FGF20: variants seen among roughly 807,000 people sequenced by gnomAD.
FGF20 encodes fibroblast growth factor 20.
A neutral mutation model predicts 16.7 loss-of-function variants in FGF20; 8 were observed. The observed-to-expected ratio is 0.48, with a 90% CI of 0.28 to 0.87. The LOEUF (loss-of-function observed/expected upper bound fraction) is 0.87, where lower values mean the gene tolerates loss of function less well. Among genes scored for constraint, FGF20 ranks in the 40% least tolerant of loss-of-function variants. The pLI, the probability that FGF20 is intolerant of heterozygous loss-of-function variation, is 0.10. For synonymous variants in FGF20, 161 were observed against 118.6 expected (o/e 1.36, Z -2.32); for missense variants, 397 against 281.4 (o/e 1.41, Z -2.94).
chr8:16,998,886 C>CA (rs34706124), intron 1 of FGF20, among the ~76,000 whole-genome samples: 2,499 of 142,094 alleles, frequency 0.018, 55 homozygotes, highest in African/African-American at 0.061. Context: ...ATAAAACTGG[C>CA]AAAAAAAAAA....
At chr8:17,001,713 C>T in intron 1 of FGF20, 34 bp downstream of exon 1, 1 of 1,545,812 alleles carries the variant, frequency 6.5e-7, no homozygotes. Flanking sequence ...AGCTGGGGCG[C>T]AGATGGGGGT....
rs17515317 is a variant in FGF20, at chr8:16,993,428, G to T, written c.391-111C>A. 82,986 of 1,124,344 alleles carry T rather than the reference G, an allele frequency of 0.074. 3,767 individuals carry two copies. The highest frequency in any genetic ancestry group is 0.082 in the Non-Finnish European group (65,475 of 800,440). The allele number at this position is 1,124,344 out of a possible 1,614,324, so 69.6% of individuals were successfully genotyped here. On this transcript the variant is annotated intron_variant, in intron 2 of 2. Coordinates refer to ENST00000180166, the MANE Select transcript of FGF20 (RefSeq NM_019851.3). The stretch of plus-strand genomic sequence containing the variant: ...CTTTGCCTTGTCAAAGAAAGAAAAA[G>T]GTTAAATTGGTTTTGCTTTATTTTG...
chr8:17,000,580 A>T (rs1585103981), intron 1 of FGF20, among the ~76,000 whole-genome samples: 3 of 152,288 alleles, frequency 2.0e-5, no homozygotes, highest in East Asian at 3.9e-4. Context: ...GAATTTTTCC[A>T]ATGATGTCAA....
At chr8:16,997,079 C>G (rs17515083) in intron 1 of FGF20, among the ~76,000 whole-genome samples, 2,336 of 152,294 alleles carry the variant, frequency 0.015, 50 homozygotes, top group African/African-American at 0.053. Flanking sequence ...CTATCAATAA[C>G]TTTCTAGAAT....
chr8:16,996,206 C>G (rs148986636), intron 1 of FGF20, among the ~76,000 whole-genome samples: 1 of 152,114 alleles, frequency 6.6e-6, no homozygotes, highest in Non-Finnish European at 1.5e-5. Context: ...CCAATAAATT[C>G]CATTTTTCTC....
At chr8:16,996,674 T>C (rs1323153205) in intron 1 of FGF20, among the ~76,000 whole-genome samples, 1 of 152,200 alleles carries the variant, frequency 6.6e-6, no homozygotes, top group East Asian at 1.9e-4. Flanking sequence ...AACAGTGTTT[T>C]ATAGTCAATA....
intron 2 of FGF20, among the ~76,000 whole-genome samples, chr8:16,993,954 C>T (rs1460752330): frequency 2.0e-5 from 3 of 152,116 alleles, no homozygotes; most frequent in Admixed American, 6.6e-5. Context: ...GATGAAGTTT[C>T]GCTCACTTGC....
intron 1 of FGF20, among the ~76,000 whole-genome samples, chr8:16,999,109 T>C (rs549805247): frequency 6.6e-6 from 1 of 152,310 alleles, no homozygotes; most frequent in Non-Finnish European, 1.5e-5. Context: ...AGTTATGATG[T>C]CTATGATATT....
intron 1 of FGF20, among the ~76,000 whole-genome samples, chr8:17,001,203 T>C (rs17549976): frequency 0.022 from 3,296 of 152,224 alleles, 113 homozygotes; most frequent in African/African-American, 0.075. Context: ...GACACGTAAA[T>C]GCTCGCAATC....
Position 16,993,331 on chromosome 8 carries a change from G to C in FGF20, c.391-14C>G, listed in dbSNP as rs1322251653. The C allele has an allele frequency of 3.8e-6, 6 of 1,580,376 alleles. No homozygotes were observed. The African/African-American group carries it at 5.5e-5, about 14-fold the overall frequency. On this transcript the variant is annotated splice_polypyrimidine_tract_variant and intron_variant, in intron 2 of 2. Coordinates refer to ENST00000180166, the MANE Select transcript of FGF20 (RefSeq NM_019851.3). ...AGTAAGTTTCTCCTGAAAGAGAGAA[G>C]ATAACTATTATTTTTTAAAAAAATA...
At chr8:16,996,569 T>G (rs1016701623) in intron 1 of FGF20, among the ~76,000 whole-genome samples, 2 of 152,202 alleles carry the variant, frequency 1.3e-5, no homozygotes, top group African/African-American at 4.8e-5. Flanking sequence ...ATCTCATCAG[T>G]TAATTATAAC....
chr8:17,000,981 A>C (rs1287419395), intron 1 of FGF20, among the ~76,000 whole-genome samples: 1 of 152,146 alleles, frequency 6.6e-6, no homozygotes, highest in Admixed American at 6.5e-5. Context: ...CACAATTTCC[A>C]AAGAGGAGCT....
At chr8:16,997,523 G>A (rs1810083852) in intron 1 of FGF20, among the ~76,000 whole-genome samples, 1 of 152,132 alleles carries the variant, frequency 6.6e-6, no homozygotes, top group Non-Finnish European at 1.5e-5. Flanking sequence ...TTCACTCTTT[G>A]TCAGAAACAG....
rs766382683 is a variant in FGF20 at position 16,995,725 on chromosome 8, A to T, written c.320T>A (p.Leu107Gln). Residue 107 changes from leucine (L) to glutamine (Q), a missense_variant, in exon 2 of 3, where the codon CTG becomes CAG. Coordinates refer to ENST00000180166, the MANE Select transcript of FGF20 (RefSeq NM_019851.3). ...ACTGTCCACACCTCTAATACTGACC[A>T]GTCCCACTGCCACACTGATGAATTC... Reference protein sequence around the residue: ...ILEFISVAVGLVSIRGVDSGL... With the variant: ...ILEFISVAVGQVSIRGVDSGL... 1 of 1,607,862 alleles carries T rather than the reference A, an allele frequency of 6.2e-7. No individual in the cohort carries two copies. Among genetic ancestry groups the T allele is most frequent in the Non-Finnish European group, 8.5e-7 (1 of 1,175,378 alleles).
rs1217791933 is a variant in FGF20 at position 16,992,888 on chromosome 8, A to G, written c.*184T>C. 7.6e-6 allele frequency: 5 copies of G among 660,546 alleles called. No individual in the cohort carries two copies. The East Asian group carries it at 1.4e-4, about 19-fold the overall frequency. 40.9% of individuals were successfully genotyped at this position (660,546 alleles called of 1,614,324 possible). A position where few individuals can be genotyped will look rare whatever the true frequency, so the allele number is the denominator to read the frequency against. On this transcript the variant is annotated 3_prime_UTR_variant, in exon 3 of 3. Transcript: ENST00000180166. ...CTTAATCCACATATAAAGAGTGATC[A>G]TGATCTATTTCTAGTCAAAATTTTT...
chr8:17,001,960 A>C lies in FGF20; in HGVS notation c.73T>G (p.Phe25Val). The change falls in exon 1 of 3, where the codon TTC (phenylalanine) becomes GTC (valine). Residue 25 changes from phenylalanine to valine, a missense_variant. Physicochemically the swap from Phe to Val is conservative, Grantham distance 50. Transcript: ENST00000180166. Reference sequence around the variant, plus strand: ...CGCTCCCCGGCAGGAGGCAACAGGAAATGCGAACCCACCTGCTGGCCCAAG... The same window carrying C: ...CGCTCCCCGGCAGGAGGCAACAGGACATGCGAACCCACCTGCTGGCCCAAG... ...EGLGQQVGSH[F>V]LLPPAGERPP... The C allele has an allele frequency of 1.3e-6, 2 of 1,506,378 alleles. No individual in the cohort carries two copies. The highest frequency in any genetic ancestry group is 1.8e-6 in the Non-Finnish European group (2 of 1,128,604). The allele number at this position is 1,506,378 out of a possible 1,614,324, so 93.3% of individuals were successfully genotyped here. A position where few individuals can be genotyped will look rare whatever the true frequency, so the allele number is the denominator to read the frequency against.
Position 17,002,203 on chromosome 8 carries a change from C to CA in FGF20, c.-172dup. ...TGCACTGAAATGGCAGGGAAGCTCTCACTGTCTTGGAGCGATCTTCTCTCC... is the reference window on the plus strand; with the variant it reads ...TGCACTGAAATGGCAGGGAAGCTCTCAACTGTCTTGGAGCGATCTTCTCTCC... On this transcript the variant is annotated 5_prime_UTR_variant, in exon 1 of 3. Coordinates refer to ENST00000180166, the MANE Select transcript of FGF20 (RefSeq NM_019851.3). 1.6e-6 allele frequency: 1 copy of CA among 615,084 alleles called. No homozygotes were observed. The allele number at this position is 615,084 out of a possible 1,614,324, so 38.1% of individuals were successfully genotyped here. A position where few individuals can be genotyped will look rare whatever the true frequency, so the allele number is the denominator to read the frequency against.
chr8:17,001,375 A>T (rs4532634), intron 1 of FGF20, among the ~76,000 whole-genome samples: 35,869 of 151,938 alleles, frequency 0.24, 5,824 homozygotes, highest in East Asian at 0.47. Context: ...TTTAAAACTG[A>T]CTGCGAGGTA....
chr8:16,994,819 A>G (rs953797485), intron 2 of FGF20, among the ~76,000 whole-genome samples: 1 of 152,216 alleles, frequency 6.6e-6, no homozygotes, highest in Non-Finnish European at 1.5e-5. Flanking sequence ...GGATACTGGC[A>G]TACATTTTTA....
Sources: gnomAD v4.1 joint callset for allele counts (sites outside exome capture counted in the v4.1 genomes callset) on GRCh38, gnomAD v4.1.1 for gene constraint, MANE v1.5 for transcripts, NCBI Gene and HGNC (gene_info 2026-07-23, HGNC 2026-07-21) for gene names.